Variants in GIT2 observed in about 807,000 individuals in gnomAD.
GIT2 encodes GIT ArfGAP 2.
A neutral mutation model predicts 100.3 loss-of-function variants in GIT2; 32 were observed. That is an observed-to-expected ratio of 0.32 (90% confidence interval 0.24 to 0.43). The LOEUF (loss-of-function observed/expected upper bound fraction) is 0.43, where lower values mean the gene tolerates loss of function less well. Among genes scored for constraint, GIT2 ranks in the 20% least tolerant of loss-of-function variants. GIT2 has a pLI of 1.00. For missense variants in GIT2, 737 were observed against 975.1 expected, an observed-to-expected ratio of 0.76 and a Z score of 3.25; for synonymous variants, 353 against 364.1, an observed-to-expected ratio of 0.97 and a Z score of 0.35.
intron 11 of GIT2, among the ~76,000 whole-genome samples, chr12:109,960,875 TAAC>T (rs1880881236): frequency 6.6e-6 from 1 of 152,236 alleles, no homozygotes; most frequent in Non-Finnish European, 1.5e-5. Flanking sequence ...ATTGCTTTTC[TAAC>T]ATCTACAGCA....
chr12:109,985,849 A>C (rs1887277348), intron 4 of GIT2, among the ~76,000 whole-genome samples: 1 of 136,938 alleles, frequency 7.3e-6, no homozygotes, highest in South Asian at 2.4e-4. Context: ...ACTCTATCTA[A>C]AAAAAACAAA....
chr12:109,954,446 A>G (rs1324190602), intron 12 of GIT2: 1 of 152,222 alleles, frequency 6.6e-6, no homozygotes, highest in Non-Finnish European at 1.5e-5. Context: ...ATTATTCTAG[A>G]GGATCTAATA....
intron 2 of GIT2, among the ~76,000 whole-genome samples, chr12:109,990,621 G>A (rs978696910): frequency 6.6e-6 from 1 of 152,166 alleles, no homozygotes; most frequent in Admixed American, 6.5e-5. Context: ...AGGGATATGT[G>A]CAGCTGTCAC....
Position 109,948,177 on chromosome 12 carries a change from C to T in GIT2, c.1393-673G>A. The T allele has an allele frequency of 2.0e-6, 2 of 978,064 alleles. No homozygotes were observed. The highest frequency in any genetic ancestry group is 2.4e-6 in the Non-Finnish European group (2 of 823,416). 60.6% of individuals were successfully genotyped at this position (978,064 alleles called of 1,614,324 possible). A position where few individuals can be genotyped will look rare whatever the true frequency, so the allele number is the denominator to read the frequency against. The stretch of plus-strand genomic sequence containing the variant: ...GATCATGGTAAGTTTGCTATATTAA[C>T]ATATCACGAAGAAAACTGGAAACCT... On this transcript the variant is annotated intron_variant, in intron 14 of 19. Transcript: ENST00000355312. This position sits in a 1 kb window ranked among gnomAD's most constrained non-coding sequence, Gnocchi z 4.3.
rs767712937 is a variant in GIT2, at chr12:109,938,377, T to C, written c.2003+3A>G. ...CCAAAGCAGGGTCTTCAATCCTGCTTACCTGTCATGTTTATTTTCTTGGGC... is the reference window on the plus strand; with the variant it reads ...CCAAAGCAGGGTCTTCAATCCTGCTCACCTGTCATGTTTATTTTCTTGGGC... On this transcript the variant is annotated splice_donor_region_variant and intron_variant, in intron 18 of 19. Coordinates refer to ENST00000355312, the MANE Select transcript of GIT2 (RefSeq NM_057169.5). 4 of 1,609,754 alleles carry C rather than the reference T, an allele frequency of 2.5e-6. No individual in the cohort carries two copies. Among genetic ancestry groups the C allele is most frequent in the East Asian group, 2.2e-5 (1 of 44,850 alleles).
chr12:109,983,920 C>T (rs76382179), intron 4 of GIT2: 5,245 of 482,222 alleles, frequency 0.011, 237 homozygotes, highest in African/African-American at 0.092. Context: ...GCTGTGAAGG[C>T]TGACTTGCCC....
intron 18 of GIT2, among the ~76,000 whole-genome samples, chr12:109,936,115 C>T (rs1165282242): frequency 6.6e-6 from 1 of 151,986 alleles, no homozygotes; most frequent in Non-Finnish European, 1.5e-5. Flanking sequence ...TTAATTCGTA[C>T]AATTCAAGAT....
chr12:109,972,714 T>G (rs1884193576), intron 7 of GIT2, among the ~76,000 whole-genome samples: 1 of 152,044 alleles, frequency 6.6e-6, no homozygotes, highest in Non-Finnish European at 1.5e-5. Flanking sequence ...CCACCCACCT[T>G]GGCCTCCCAA....
chr12:109,996,388 G>A (rs1271098785), upstream of GIT2: 4 of 542,066 alleles, frequency 7.4e-6, no homozygotes, highest in Non-Finnish European at 1.3e-5. Context: ...GCGCGGGGAG[G>A]TGCCCTTCGG....
At chr12:109,993,517 C>T (rs1888793740) in intron 1 of GIT2, among the ~76,000 whole-genome samples, 1 of 152,148 alleles carries the variant, frequency 6.6e-6, no homozygotes, top group South Asian at 2.1e-4. Context: ...CCCAACTCTG[C>T]CACTTCTTGC....
chr12:109,967,334 G>T (rs2136488147), intron 8 of GIT2, 124 bp downstream of exon 8: 1 of 1,597,560 alleles, frequency 6.3e-7, no homozygotes, highest in South Asian at 1.1e-5. Flanking sequence ...TTTCCAAATG[G>T]TATAGCCATA....
At chr12:109,989,209 G>A in intron 3 of GIT2, 141 bp from the exon 4 acceptor site, 2 of 642,418 alleles carry the variant, frequency 3.1e-6, no homozygotes, top group South Asian at 3.7e-5. Context: ...GTTTCAGCAA[G>A]GTTTAAGACC....
At chr12:109,968,868 T>G (rs1397048976) in intron 7 of GIT2, among the ~76,000 whole-genome samples, 2 of 152,068 alleles carry the variant, frequency 1.3e-5, no homozygotes, top group African/African-American at 4.8e-5. Flanking sequence ...ACTACAGGCG[T>G]GCACTGCTAC....
chr12:109,946,030 A>G (rs987962661), intron 15 of GIT2, among the ~76,000 whole-genome samples: 1 of 152,134 alleles, frequency 6.6e-6, no homozygotes, highest in Non-Finnish European at 1.5e-5. Flanking sequence ...GCTACTCAGG[A>G]GGCTGAGGCA....
chr12:109,971,280 A>G (rs1453923473), intron 7 of GIT2, among the ~76,000 whole-genome samples: 1 of 152,044 alleles, frequency 6.6e-6, no homozygotes, highest in Non-Finnish European at 1.5e-5. Flanking sequence ...TAGATACTAC[A>G]TGTATTGTGT....
chr12:109,955,950 A>C (rs1450363576), intron 12 of GIT2, among the ~76,000 whole-genome samples: 2 of 149,140 alleles, frequency 1.3e-5, no homozygotes, highest in East Asian at 3.9e-4. Context: ...TTTTTTTGAG[A>C]TGGAGTCTCA....
chr12:109,938,433 G>A lies in GIT2; in HGVS notation c.1950C>T (p.Ile650=). The A allele has an allele frequency of 6.2e-7, 1 of 1,613,950 alleles. No individual in the cohort carries two copies. Among genetic ancestry groups the A allele is most frequent in the Non-Finnish European group, 8.5e-7 (1 of 1,179,900 alleles). Residue 650 remains isoleucine (I), a synonymous_variant, in exon 18 of 20, where the codon ATC becomes ATT. Coordinates refer to ENST00000355312, the MANE Select transcript of GIT2 (RefSeq NM_057169.5). ...TTAAGAGCTCCTGTATGTTTTTGGT[G>A]ATCTGTTCAGTCTTCCTGATGACAT... The part of the protein sequence containing the change: ...TEDVIRKTEQ[I]TKNIQELLRA...
At chr12:109,941,812 C>T (rs1003305809) in intron 16 of GIT2, among the ~76,000 whole-genome samples, 47 of 151,808 alleles carry the variant, frequency 3.1e-4, no homozygotes, top group African/African-American at 1.1e-3. Context: ...TGAGCCACCG[C>T]ACCCTGCCAA....
At chr12:109,976,530 C>T (rs1310243650) in intron 7 of GIT2, among the ~76,000 whole-genome samples, 1 of 151,650 alleles carries the variant, frequency 6.6e-6, no homozygotes, top group African/African-American at 2.4e-5. Context: ...GTGATCTGCC[C>T]ACCTCGGCCT....
Sources: gnomAD v4.1 joint callset for allele counts (sites outside exome capture counted in the v4.1 genomes callset) on GRCh38, gnomAD v4.1.1 for gene constraint, Gnocchi (gnomAD v3.1) non-coding constraint, MANE v1.5 for transcripts, NCBI Gene and HGNC (gene_info 2026-07-23, HGNC 2026-07-21) for gene names.